Variants in ZNF277 observed in about 807,000 individuals in gnomAD.
ZNF277 encodes the protein nuclear receptor-interacting factor 4.
ZNF277 carries 55 observed loss-of-function variants against 60.7 expected under a neutral mutation model. The observed-to-expected ratio is 0.91, with a 90% CI of 0.73 to 1.13. ZNF277 has a LOEUF of 1.13. Ranked by LOEUF, ZNF277 falls within the 50% of genes most tolerant of loss-of-function variation. ZNF277 has a pLI of 0.00. For missense variants in ZNF277, 510 were observed against 523.0 expected, an observed-to-expected ratio of 0.98 and a Z score of 0.24; for synonymous variants, 178 against 179.3, an observed-to-expected ratio of 0.99 and a Z score of 0.06.
At chr7:112,280,748 C>T (rs1791920653) in intron 1 of ZNF277, among the ~76,000 whole-genome samples, 1 of 152,050 alleles carries the variant, frequency 6.6e-6, no homozygotes, top group South Asian at 2.1e-4. Flanking sequence ...GCCTCAGCCT[C>T]CCGAGTAGTG....
chr7:112,335,479 A>G lies in ZNF277; in HGVS notation c.802-625A>G, dbSNP rs762473686. On this transcript the variant is annotated intron_variant, in intron 7 of 11. Coordinates refer to ENST00000361822, the MANE Select transcript of ZNF277 (RefSeq NM_021994.3). ...TAGGCTTGCCAGACATAGCGCCAAA[A>G]GAGTGGAACTTTTCCACTGATGGCA... 1.4e-4 allele frequency among the ~76,000 whole-genome samples: 21 copies of G among 152,284 alleles called. 1 individual carries two copies. The highest frequency in any genetic ancestry group is 1.3e-4 in the Admixed American group (2 of 15,292).
intron 5 of ZNF277, among the ~76,000 whole-genome samples, chr7:112,321,097 A>G (rs1226475870): frequency 1.3e-5 from 2 of 150,464 alleles, no homozygotes; most frequent in Non-Finnish European, 3.0e-5. Flanking sequence ...AATTTTTTGT[A>G]TTTTTAGTAG....
intron 1 of ZNF277, among the ~76,000 whole-genome samples, chr7:112,250,696 G>A (rs1791185332): frequency 1.3e-5 from 2 of 152,070 alleles, no homozygotes; most frequent in South Asian, 4.1e-4. Flanking sequence ...AGTGTTTTCA[G>A]GCACCCTGCC....
intron 1 of ZNF277, among the ~76,000 whole-genome samples, chr7:112,213,296 C>G (rs575963698): frequency 1.3e-5 from 2 of 152,326 alleles, no homozygotes; most frequent in South Asian, 4.1e-4. Context: ...CAATTAAAAC[C>G]TCTTTCTTTT....
chr7:112,210,062 G>A (rs1821696224), intron 1 of ZNF277, among the ~76,000 whole-genome samples: 1 of 151,944 alleles, frequency 6.6e-6, no homozygotes, highest in South Asian at 2.1e-4. Context: ...CGAGTTAATG[G>A]GTGCAGCAAA....
At chr7:112,314,344 G>A (rs901674493) in intron 4 of ZNF277, among the ~76,000 whole-genome samples, 7 of 152,092 alleles carry the variant, frequency 4.6e-5, no homozygotes, top group South Asian at 4.1e-4. Flanking sequence ...AAGAGGGAAC[G>A]ATTACTCCAG....
intron 1 of ZNF277, among the ~76,000 whole-genome samples, chr7:112,277,449 T>G (rs1408765373): frequency 6.6e-6 from 1 of 152,196 alleles, no homozygotes; most frequent in Non-Finnish European, 1.5e-5. Context: ...ACAGTATTTA[T>G]ATAGTTTCCC....
intron 1 of ZNF277, among the ~76,000 whole-genome samples, chr7:112,217,417 G>A (rs1292586855): frequency 1.3e-5 from 2 of 152,236 alleles, no homozygotes; most frequent in African/African-American, 4.8e-5. Flanking sequence ...GTCTGGAAAT[G>A]TAAATTGAAA....
chr7:112,210,766 C>T (rs1165790191), intron 1 of ZNF277, among the ~76,000 whole-genome samples: 2 of 152,204 alleles, frequency 1.3e-5, no homozygotes, highest in East Asian at 1.9e-4. Context: ...GCTACTGCAC[C>T]TGGCACACTA....
At chr7:112,300,033 C>T (rs1792440028) in intron 4 of ZNF277, among the ~76,000 whole-genome samples, 3 of 152,126 alleles carry the variant, frequency 2.0e-5, no homozygotes. Context: ...CCTAGTCCTC[C>T]CTATACTCCT....
intron 10 of ZNF277, among the ~76,000 whole-genome samples, chr7:112,340,310 G>A (rs11981674): frequency 0.04 from 6,162 of 152,274 alleles, 415 homozygotes; most frequent in African/African-American, 0.14. Flanking sequence ...CTGCTTAGCA[G>A]TATAGCTAGG....
intron 2 of ZNF277, among the ~76,000 whole-genome samples, chr7:112,290,075 C>G (rs1792171769): frequency 6.6e-6 from 1 of 152,198 alleles, no homozygotes; most frequent in African/African-American, 2.4e-5. Flanking sequence ...ATCCACCCAC[C>G]TCGGCCTCCT....
chr7:112,336,136 G>A lies in ZNF277; in HGVS notation c.834G>A (p.Leu278=), dbSNP rs146323519. ...GAAAATCGTGGGAAGAAGTTCAGTT[G>A]GAAGATGATCGGGAGTTGCTGGACC... ...ELGKSWEEVQ[L]EDDRELLDHQ... The change falls in exon 8 of 12, where the codon TTG becomes TTA. Residue 278 remains leucine (L), a synonymous_variant. Coordinates refer to ENST00000361822, the MANE Select transcript of ZNF277 (RefSeq NM_021994.3). 87 of 1,609,902 alleles carry A rather than the reference G, an allele frequency of 5.4e-5. No homozygotes were observed. Among genetic ancestry groups the A allele is most frequent in the Non-Finnish European group, 7.2e-5 (85 of 1,177,856 alleles).
intron 7 of ZNF277, among the ~76,000 whole-genome samples, chr7:112,332,332 A>T (rs74908767): frequency 0.015 from 2,330 of 152,314 alleles, 26 homozygotes; most frequent in South Asian, 0.037. Context: ...AGGTATTGTC[A>T]TTAAGCCTCT....
intron 1 of ZNF277, among the ~76,000 whole-genome samples, chr7:112,234,984 G>C (rs1427215948): frequency 1.3e-5 from 2 of 151,684 alleles, no homozygotes; most frequent in African/African-American, 4.8e-5. Context: ...TATTCTGTTT[G>C]TTGTTTGTTA....
chr7:112,218,616 A>G (rs956918561), intron 1 of ZNF277, among the ~76,000 whole-genome samples: 7 of 151,952 alleles, frequency 4.6e-5, no homozygotes, highest in Admixed American at 2.6e-4. Context: ...CATCTCTCCA[A>G]TCTTCCCCTC....
intron 2 of ZNF277, chr7:112,288,571 G>C (rs970329866): frequency 6.6e-6 from 1 of 152,140 alleles, no homozygotes. Flanking sequence ...TCTATAAAAT[G>C]GGGGTAACAC....
chr7:112,286,711 A>G (rs1266456191), intron 1 of ZNF277, among the ~76,000 whole-genome samples, 162 bp from the exon 2 acceptor site: 2 of 152,120 alleles, frequency 1.3e-5, no homozygotes, highest in East Asian at 3.9e-4. Flanking sequence ...TTAAAATGAT[A>G]ATAAAGTATC....
chr7:112,299,583 G>GT (rs977488019), intron 4 of ZNF277, among the ~76,000 whole-genome samples: 4 of 152,148 alleles, frequency 2.6e-5, no homozygotes, highest in African/African-American at 9.7e-5. Flanking sequence ...CAGCTTGGTG[G>GT]TTTTTTCCTT....
Sources: allele counts gnomAD v4.1 joint callset (sites outside exome capture counted in the v4.1 genomes callset), GRCh38; gene constraint gnomAD v4.1.1; transcripts MANE v1.5; gene names NCBI Gene and HGNC (gene_info 2026-07-23, HGNC 2026-07-21).